The following PMVK variants were observed in gnomAD, a reference collection of about 807,000 sequenced individuals.
The protein encoded by PMVK is testis tissue sperm-binding protein Li 95mP.
A neutral mutation model predicts 19.0 loss-of-function variants in PMVK; 10 were observed. The ratio of observed to expected loss-of-function variants is 0.53; its 90% CI spans 0.32 to 0.89. PMVK has a LOEUF of 0.89. PMVK is among the 40% of genes least tolerant of loss of function. The pLI, the probability that PMVK is intolerant of heterozygous loss-of-function variation, is 0.03. For synonymous variants in PMVK, 108 were observed against 101.6 expected (o/e 1.06, Z -0.38); for missense variants, 222 against 251.1 (o/e 0.88, Z 0.78).
At chr1:154,939,803 C>A (rs916847589), upstream of PMVK, among the ~76,000 whole-genome samples, 4 of 151,978 alleles carry the variant, frequency 2.6e-5, no homozygotes, top group African/African-American at 9.7e-5. Context: ...TCACTCTGTG[C>A]CCAGGCTGGA....
chr1:154,925,053 G>A lies in PMVK; in HGVS notation c.*76C>T. The A allele has an allele frequency of 2.3e-6, 3 of 1,330,846 alleles. No homozygotes were observed. The highest frequency in any genetic ancestry group is 2.0e-6 in the Non-Finnish European group (2 of 983,518). 82.4% of individuals were successfully genotyped at this position (1,330,846 alleles called of 1,614,324 possible). A position where few individuals can be genotyped will look rare whatever the true frequency, so the allele number is the denominator to read the frequency against. On this transcript the variant is annotated 3_prime_UTR_variant, in exon 5 of 5. Coordinates refer to ENST00000368467, the MANE Select transcript of PMVK (RefSeq NM_006556.4). Reference sequence around the variant, plus strand: ...TCTGTTCCTCACCTCGGCCAGGATCGGGGGACACCCCCATTTTGCAGAGTC... The same window carrying A: ...TCTGTTCCTCACCTCGGCCAGGATCAGGGGACACCCCCATTTTGCAGAGTC...
chr1:154,940,648 C>T (rs1481882975), upstream of PMVK, among the ~76,000 whole-genome samples: 1 of 152,234 alleles, frequency 6.6e-6, no homozygotes, highest in Non-Finnish European at 1.5e-5. Context: ...CCACCCCTTT[C>T]TTCCTCTTCA....
upstream of PMVK, among the ~76,000 whole-genome samples, chr1:154,940,055 G>A (rs1654608424): frequency 6.6e-6 from 1 of 152,096 alleles, no homozygotes; most frequent in African/African-American, 2.4e-5. Context: ...GGAATTACAG[G>A]CATGAGCCAC....
At chr1:154,935,793 G>A (rs1654485460) in intron 1 of PMVK, among the ~76,000 whole-genome samples, 1 of 152,148 alleles carries the variant, frequency 6.6e-6, no homozygotes, top group African/African-American at 2.4e-5. Flanking sequence ...AGGTTCAAGC[G>A]ATCCTCCCAC....
chr1:154,938,388 G>A (rs751065237), upstream of PMVK, among the ~76,000 whole-genome samples: 5 of 152,310 alleles, frequency 3.3e-5, no homozygotes, highest in Admixed American at 3.3e-4. Context: ...GCAGGAGTTC[G>A]AGACCAGCCT....
intron 4 of PMVK, among the ~76,000 whole-genome samples, chr1:154,925,643 T>C (rs1460987790): frequency 6.6e-6 from 1 of 150,508 alleles, no homozygotes; most frequent in South Asian, 2.1e-4. Context: ...AGGCAGCATG[T>C]GCTGGAGTCA....
Position 154,936,665 on chromosome 1 carries a change from G to C in PMVK, c.21C>G (p.Ala7=). Reference sequence around the variant, plus strand: ...CGCTGAACAGCAGTACCAGCCGCGGGGCGCCTCCCAGCGGGGCCATGGGGC... The same window carrying C: ...CGCTGAACAGCAGTACCAGCCGCGGCGCGCCTCCCAGCGGGGCCATGGGGC... The part of the protein sequence containing the change: MAPLGG[A]PRLVLLFSGK... Residue 7 remains alanine, a synonymous_variant, in exon 1 of 5, where the codon GCC becomes GCG. Coordinates refer to ENST00000368467, the MANE Select transcript of PMVK (RefSeq NM_006556.4). 1.2e-6 allele frequency: 2 copies of C among 1,608,208 alleles called. No individual in the cohort carries two copies. The highest frequency in any genetic ancestry group is 1.7e-6 in the Non-Finnish European group (2 of 1,177,848).
At chr1:154,941,411 G>A (rs1654636015), upstream of PMVK, among the ~76,000 whole-genome samples, 1 of 152,178 alleles carries the variant, frequency 6.6e-6, no homozygotes, top group South Asian at 2.1e-4. Context: ...TTGGGGAGGG[G>A]AAGAACCTGT....
At chr1:154,930,752 C>G (rs1654310976) in intron 2 of PMVK, among the ~76,000 whole-genome samples, 1 of 147,230 alleles carries the variant, frequency 6.8e-6, no homozygotes, top group Non-Finnish European at 1.5e-5. Flanking sequence ...CAAAGAAATT[C>G]TGTATCCAGT....
chr1:154,927,149 G>T (rs1050818586), intron 3 of PMVK, among the ~76,000 whole-genome samples: 1 of 151,948 alleles, frequency 6.6e-6, no homozygotes, highest in Non-Finnish European at 1.5e-5. Flanking sequence ...TAGTCATTTT[G>T]TCTGTTACAG....
upstream of PMVK, chr1:154,936,924 C>A: frequency 1.9e-6 from 1 of 524,816 alleles, no homozygotes; most frequent in South Asian, 2.0e-5. Context: ...CTTCACAGAG[C>A]AGCCTCCCCT....
At chr1:154,933,843 GAGTAC>G (rs1361912370) in intron 1 of PMVK, among the ~76,000 whole-genome samples, 1 of 151,984 alleles carries the variant, frequency 6.6e-6, no homozygotes, top group Admixed American at 6.6e-5. Context: ...GTCCAGGCTG[GAGTAC>G]AGTGGCACCA....
At chr1:154,932,440 C>T (rs2101971185) in intron 1 of PMVK, 25 bp from the exon 2 acceptor site, 1 of 1,565,432 alleles carries the variant, frequency 6.4e-7, no homozygotes, top group South Asian at 1.2e-5. Context: ...GATCAGAATC[C>T]AGTTAGCCTA....
In PMVK at chr1:154,925,220, TC is replaced by T; in HGVS notation, c.487del (p.Asp163ThrfsTer22). ...ESECGLDNFG[D>X]FDWVIENHGV... The stretch of plus-strand genomic sequence containing the variant: ...ATGGTTCTCGATGACCCAGTCAAAG[TC>T]CCCGAAGTTGTCCAGGCCACATTCT... On this transcript the variant is annotated frameshift_variant, in exon 5 of 5. Transcript: ENST00000368467. LOFTEE classifies it high-confidence loss of function. 1 of 1,613,852 alleles carries T rather than the reference TC, an allele frequency of 6.2e-7. No individual in the cohort carries two copies.
At chr1:154,933,740 C>A (rs1654417284) in intron 1 of PMVK, among the ~76,000 whole-genome samples, 1 of 151,932 alleles carries the variant, frequency 6.6e-6, no homozygotes, top group Non-Finnish European at 1.5e-5. Flanking sequence ...GATCCGCCCG[C>A]CTCAGCCTCG....
At chr1:154,938,872 G>C (rs983113974), upstream of PMVK, among the ~76,000 whole-genome samples, 3 of 152,144 alleles carry the variant, frequency 2.0e-5, no homozygotes, top group Non-Finnish European at 4.4e-5. Context: ...AATCCTGGTG[G>C]TTCATTTTCA....
intron 4 of PMVK, 147 bp from the exon 5 acceptor site, chr1:154,925,412 C>T (rs796368408): frequency 2.5e-6 from 2 of 801,820 alleles, no homozygotes; most frequent in Non-Finnish European, 4.1e-6. Context: ...AGGCACCTCC[C>T]TACCCCTGAA....
chr1:154,934,977 G>A (rs1162822027), intron 1 of PMVK, among the ~76,000 whole-genome samples: 3 of 146,274 alleles, frequency 2.1e-5, no homozygotes, highest in African/African-American at 7.8e-5. Flanking sequence ...CAGGAAAATC[G>A]CTTGAACCCA....
rs1654251856 is a variant in PMVK at position 154,928,926 on chromosome 1, G to A, written c.312+98C>T. The A allele has an allele frequency of 5.0e-6, 6 of 1,211,734 alleles. No homozygotes were observed. The East Asian group carries it at 1.2e-4, about 24-fold the overall frequency. The allele number at this position is 1,211,734 out of a possible 1,614,324, so 75.1% of individuals were successfully genotyped here. A position where few individuals can be genotyped will look rare whatever the true frequency, so the allele number is the denominator to read the frequency against. ...ACTGTCCAGGCCAGAAATGGTGGGG[G>A]CTTGGGCCAGGATGGTGGCAGTGGA... On this transcript the variant is annotated intron_variant, in intron 3 of 4. Transcript: ENST00000368467.
Sources: allele counts gnomAD v4.1 joint callset (sites outside exome capture counted in the v4.1 genomes callset), GRCh38; gene constraint gnomAD v4.1.1; transcripts MANE v1.5; gene names NCBI Gene and HGNC (gene_info 2026-07-23, HGNC 2026-07-21).